The following ZNF263 variants were observed in gnomAD, a reference collection of about 807,000 sequenced individuals.
ZNF263 encodes the protein zinc finger protein 263.
ZNF263 carries 49 observed loss-of-function variants against 63.1 expected under a neutral mutation model. The ratio of observed to expected loss-of-function variants is 0.78; its 90% CI spans 0.62 to 0.99. The LOEUF is 0.99. ZNF263 is among the 50% of genes least tolerant of loss of function. The probability of loss-of-function intolerance (pLI) is 0.00; values close to 1 mark genes in which losing one functional copy is unlikely to be tolerated. For missense variants in ZNF263, 872 were observed against 854.8 expected (o/e 1.02, Z -0.25); for synonymous variants, 352 against 324.2 (o/e 1.09, Z -0.92).
At chr16:3,299,654 G>A in intron 2 of ZNF263, 2 of 1,559,614 alleles carry the variant, frequency 1.3e-6, no homozygotes, top group African/African-American at 1.4e-5. Context: ...GAAGTGTTAT[G>A]GGGGAAGAAC....
downstream of ZNF263, chr16:3,293,092 C>T (rs555740373): frequency 7.2e-4 from 109 of 152,298 alleles, 1 homozygote; most frequent in African/African-American, 2.3e-3. Context: ...TGATACGGTT[C>T]GGCTCTGTGT....
chr16:3,289,382 C>T lies in ZNF263; in HGVS notation c.887-11C>T, dbSNP rs1377718448. 2 of 1,509,026 alleles carry T rather than the reference C, an allele frequency of 1.3e-6. No individual in the cohort carries two copies. Among genetic ancestry groups the T allele is most frequent in the Non-Finnish European group, 1.8e-6 (2 of 1,129,816 alleles). The allele number at this position is 1,509,026 out of a possible 1,614,324, so 93.5% of individuals were successfully genotyped here. On this transcript the variant is annotated splice_polypyrimidine_tract_variant and intron_variant, in intron 5 of 5. Coordinates refer to ENST00000219069, the MANE Select transcript of ZNF263 (RefSeq NM_005741.5). Reference sequence around the variant, plus strand: ...AATAATGTACGGGTTTGGTTTCTCTCTCTCTACCAGGAGAAGAGAAATTTG... The same window carrying T: ...AATAATGTACGGGTTTGGTTTCTCTTTCTCTACCAGGAGAAGAGAAATTTG...
In ZNF263 at chr16:3,283,601, C is replaced by G; in HGVS notation, c.-218C>G. ...GGTTCCTGCCTCGGGGAAGTCCTGG[C>G]GCAGATGGGCCACGGGGCCGGCGTG... On this transcript the variant is annotated 5_prime_UTR_variant, in exon 1 of 6. Transcript: ENST00000219069. The G allele has an allele frequency of 3.6e-6, 2 of 556,038 alleles. No homozygotes were observed. Among genetic ancestry groups the G allele is most frequent in the Non-Finnish European group, 5.4e-6 (2 of 372,578 alleles). The allele number at this position is 556,038 out of a possible 1,614,324, so 34.4% of individuals were successfully genotyped here. A position where few individuals can be genotyped will look rare whatever the true frequency, so the allele number is the denominator to read the frequency against.
chr16:3,294,474 G>A (rs937286612), downstream of ZNF263, among the ~76,000 whole-genome samples: 8 of 151,942 alleles, frequency 5.3e-5, no homozygotes, highest in Non-Finnish European at 1.2e-4. Flanking sequence ...CAAGCAAAAT[G>A]CATTTATTTA....
chr16:3,286,765 A>G (rs1455691631), intron 4 of ZNF263: 1 of 152,266 alleles, frequency 6.6e-6, no homozygotes, highest in Non-Finnish European at 1.5e-5. Flanking sequence ...GGAATATGAC[A>G]GACTGACATA....
chr16:3,291,147 G>C lies in ZNF263; in HGVS notation c.*589G>C. 1.0e-6 allele frequency: 1 copy of C among 986,098 alleles called. No individual in the cohort carries two copies. The highest frequency in any genetic ancestry group is 1.2e-6 in the Non-Finnish European group (1 of 830,458). The allele number at this position is 986,098 out of a possible 1,614,324, so 61.1% of individuals were successfully genotyped here. On this transcript the variant is annotated 3_prime_UTR_variant, in exon 6 of 6. Transcript: ENST00000219069. Reference sequence around the variant, plus strand: ...GAGTGCCCATTGGCAGATTACACATGTAAATATGACCTCAGACAAAAAGGA... The same window carrying C: ...GAGTGCCCATTGGCAGATTACACATCTAAATATGACCTCAGACAAAAAGGA...
In ZNF263 at chr16:3,283,724, G is replaced by A. The variant is rs1959234252; in HGVS notation, c.-95G>A. 1 of 1,406,388 alleles carries A rather than the reference G, an allele frequency of 7.1e-7. No homozygotes were observed. The allele number at this position is 1,406,388 out of a possible 1,614,324, so 87.1% of individuals were successfully genotyped here. On this transcript the variant is annotated 5_prime_UTR_variant, in exon 1 of 6. Transcript: ENST00000219069. ...CTGGACTGGGAGCCCCCGGCCCCGG[G>A]CTCCTGCTGGCGCCGTCCAACCTTA...
At position 3,289,384 on chromosome 16, in the gene ZNF263, C is replaced by G. The variant is rs768309121; in HGVS notation, c.887-9C>G. On this transcript the variant is annotated splice_polypyrimidine_tract_variant and intron_variant, in intron 5 of 5. Transcript: ENST00000219069. ...TAATGTACGGGTTTGGTTTCTCTCT[C>G]TCTACCAGGAGAAGAGAAATTTGAG... The G allele has an allele frequency of 2.0e-6, 3 of 1,509,192 alleles. No homozygotes were observed. The highest frequency in any genetic ancestry group is 2.3e-5 in the Admixed American group (1 of 43,532). 93.5% of individuals were successfully genotyped at this position (1,509,192 alleles called of 1,614,324 possible).
At chr16:3,297,444 C>G (rs1959781979) in intron 1 of ZNF263, among the ~76,000 whole-genome samples, 1 of 148,518 alleles carries the variant, frequency 6.7e-6, no homozygotes, top group Non-Finnish European at 1.5e-5. Context: ...ATACCCATCT[C>G]AGAAACAGAT....
In ZNF263 at chr16:3,290,123, T is replaced by C; in HGVS notation, c.1617T>C (p.Thr539=). The change falls in exon 6 of 6, where the codon ACT becomes ACC. Residue 539 remains threonine (T), a synonymous_variant. Transcript: ENST00000219069. ...RSSHLVIHER[T]HERERLYPFS... The stretch of plus-strand genomic sequence containing the variant: ...CACACCTCGTCATTCACGAAAGAAC[T>C]CATGAGAGAGAGAGACTTTACCCCT... 1 of 1,613,920 alleles carries C rather than the reference T, an allele frequency of 6.2e-7. No homozygotes were observed. Among genetic ancestry groups the C allele is most frequent in the Non-Finnish European group, 8.5e-7 (1 of 1,179,984 alleles).
In ZNF263 at chr16:3,283,602, G is replaced by A. The variant is rs1034052195; in HGVS notation, c.-217G>A. The A allele has an allele frequency of 5.4e-6, 3 of 560,648 alleles. No individual in the cohort carries two copies. Among genetic ancestry groups the A allele is most frequent in the East Asian group, 3.7e-5 (1 of 27,188 alleles). The allele number at this position is 560,648 out of a possible 1,614,324, so 34.7% of individuals were successfully genotyped here. A position where few individuals can be genotyped will look rare whatever the true frequency, so the allele number is the denominator to read the frequency against. ...GTTCCTGCCTCGGGGAAGTCCTGGC[G>A]CAGATGGGCCACGGGGCCGGCGTGG... On this transcript the variant is annotated 5_prime_UTR_variant, in exon 1 of 6. Coordinates refer to ENST00000219069, the MANE Select transcript of ZNF263 (RefSeq NM_005741.5).
At chr16:3,293,123 T>C (rs1185510298), downstream of ZNF263, 1 of 152,224 alleles carries the variant, frequency 6.6e-6, no homozygotes, top group Non-Finnish European at 1.5e-5. Context: ...ATCTCATCTC[T>C]AATTGTTATC....
At position 3,300,319 on chromosome 16, in the gene ZNF263, C is replaced by T. The variant is rs1959900869; in HGVS notation, c.*47-594C>T. On this transcript the variant is annotated intron_variant, in intron 2 of 2. Coordinates refer to the ZNF263 transcript ENST00000574674. ...TGCAGCAGCCTGAAGCTCCACGCCT[C>T]TTACCGGAACACCGGCTGAGCGTTT... The T allele has an allele frequency of 6.2e-7, 1 of 1,614,250 alleles. No homozygotes were observed. Among genetic ancestry groups the T allele is most frequent in the Non-Finnish European group, 8.5e-7 (1 of 1,180,050 alleles).
rs780245067 is a variant in ZNF263, at chr16:3,285,108, C to T, written c.437C>T (p.Pro146Leu). ...GTEVLLEEPL[P>L]LETARESPSF... The stretch of plus-strand genomic sequence containing the variant: ...GAAGTGCTTTTGGAGGAGCCTTTGC[C>T]TCTGGAAACAGCACGAGAGTCACCG... Residue 146 changes from proline (P) to leucine (L), a missense_variant, in exon 2 of 6, where the codon CCT becomes CTT. Pro to Leu is a moderately conservative substitution (Grantham distance 98). Transcript: ENST00000219069. 15 of 1,614,174 alleles carry T rather than the reference C, an allele frequency of 9.3e-6. No homozygotes were observed. The highest frequency in any genetic ancestry group is 5.5e-5 in the South Asian group (5 of 91,090).
downstream of ZNF263, among the ~76,000 whole-genome samples, chr16:3,295,066 T>C (rs529838830): frequency 1.1e-4 from 17 of 152,268 alleles, no homozygotes; most frequent in Non-Finnish European, 2.1e-4. Context: ...TGTGAGTGCC[T>C]GGACTTCTCG....
downstream of ZNF263, among the ~76,000 whole-genome samples, chr16:3,295,712 G>C (rs577286957): frequency 6.6e-6 from 1 of 152,354 alleles, no homozygotes; most frequent in Admixed American, 6.5e-5. Context: ...AGAGAATAAG[G>C]GTCGGGCAAG....
At chr16:3,284,890 C>T (rs1416069907) in intron 1 of ZNF263, among the ~76,000 whole-genome samples, 169 bp from the exon 2 acceptor site, 1 of 152,170 alleles carries the variant, frequency 6.6e-6, no homozygotes, top group Non-Finnish European at 1.5e-5. Flanking sequence ...TAACCCCTCC[C>T]CCTGCACATG....
chr16:3,299,931 A>T, intron 2 of ZNF263: 1 of 1,612,796 alleles, frequency 6.2e-7, no homozygotes, highest in Non-Finnish European at 8.5e-7. Flanking sequence ...ATTTTCCAAT[A>T]ATGATTGACT....
chr16:3,286,434 A>G (rs893826577), intron 4 of ZNF263: 8 of 263,980 alleles, frequency 3.0e-5, no homozygotes, highest in Non-Finnish European at 4.9e-5. Flanking sequence ...ACCTGCCAGC[A>G]TCACACACAT....
Sources: gnomAD v4.1 joint callset for allele counts (sites outside exome capture counted in the v4.1 genomes callset) on GRCh38, gnomAD v4.1.1 for gene constraint, MANE v1.5 for transcripts, NCBI Gene and HGNC (gene_info 2026-07-23, HGNC 2026-07-21) for gene names.